Variants in HCN1 observed in about 807,000 individuals in gnomAD.
HCN1 encodes potassium/sodium hyperpolarization-activated cyclic nucleotide-gated channel 1.
In HCN1, 13 loss-of-function variants were observed where a neutral mutation model predicts 78.9. The observed-to-expected ratio is 0.16, with a 90% confidence interval of 0.11 to 0.26. The LOEUF (loss-of-function observed/expected upper bound fraction) is 0.26. HCN1 is among the 10% of genes least tolerant of loss of function. The probability of loss-of-function intolerance (pLI) is 1.00; values close to 1 mark genes in which losing one functional copy is unlikely to be tolerated. For synonymous variants in HCN1, 552 were observed against 455.5 expected, an observed-to-expected ratio of 1.21 and a Z score of -2.70; for missense variants, 810 against 1,154.3, an observed-to-expected ratio of 0.70 and a Z score of 4.32.
intron 3 of HCN1, among the ~76,000 whole-genome samples, chr5:45,420,296 C>A (rs1448294211): frequency 6.6e-6 from 1 of 152,076 alleles, no homozygotes; most frequent in East Asian, 1.9e-4. Flanking sequence ...TGCTACAGAA[C>A]CCCCCAAAAT....
chr5:45,587,918 G>A (rs1202255910), intron 2 of HCN1, among the ~76,000 whole-genome samples: 9 of 151,982 alleles, frequency 5.9e-5, no homozygotes, highest in Admixed American at 2.6e-4. Flanking sequence ...GTCACAGAGA[G>A]CTCTCTTTCT....
intron 2 of HCN1, among the ~76,000 whole-genome samples, chr5:45,472,061 G>A (rs1341364580): frequency 6.6e-6 from 1 of 151,914 alleles, no homozygotes; most frequent in Non-Finnish European, 1.5e-5. Flanking sequence ...AAGGTCCTTT[G>A]TGATGTGGTC....
chr5:45,571,029 A>G (rs1038029286), intron 2 of HCN1, among the ~76,000 whole-genome samples: 14 of 152,192 alleles, frequency 9.2e-5, no homozygotes, highest in African/African-American at 3.4e-4. Context: ...AAAAAATTGT[A>G]CAAGGGACAA....
At chr5:45,575,333 A>G in intron 2 of HCN1, 1 of 152,102 alleles carries the variant, frequency 6.6e-6, no homozygotes. Flanking sequence ...TCGCAAGGAC[A>G]AAAAACCAAA....
At chr5:45,374,820 A>T (rs974920525) in intron 4 of HCN1, among the ~76,000 whole-genome samples, 2 of 147,718 alleles carry the variant, frequency 1.4e-5, no homozygotes, top group Admixed American at 1.4e-4. Context: ...ATATATATGT[A>T]GATAGATAGA....
At chr5:45,420,019 A>G (rs1359586013) in intron 3 of HCN1, among the ~76,000 whole-genome samples, 3 of 152,208 alleles carry the variant, frequency 2.0e-5, no homozygotes, top group Non-Finnish European at 4.4e-5. Flanking sequence ...GAAAACTCAC[A>G]TGAGAGTCAA....
At chr5:45,439,800 G>A (rs1561155729) in intron 3 of HCN1, among the ~76,000 whole-genome samples, 1 of 151,908 alleles carries the variant, frequency 6.6e-6, no homozygotes, top group African/African-American at 2.4e-5. Context: ...CTAGTTCACA[G>A]ACGAAGACAA....
At chr5:45,450,805 A>C (rs1740900620) in intron 3 of HCN1, among the ~76,000 whole-genome samples, 1 of 152,166 alleles carries the variant, frequency 6.6e-6, no homozygotes, top group Non-Finnish European at 1.5e-5. Flanking sequence ...ATCTCAAACA[A>C]CACATGGTTA....
In HCN1 at chr5:45,301,492, G is replaced by A. The variant is rs374095570; in HGVS notation, c.1618+2107C>T. Among the ~76,000 whole-genome samples the A allele has an allele frequency of 2.0e-5, 3 of 151,842 alleles. No individual in the cohort carries two copies. In the East Asian group the frequency reaches 5.8e-4, roughly 30 times the overall value. ...CCAGAAATTTGGGAAGTCAAGGGAG[G>A]AGGATTGTTTGAGCCCAGGAGTTAG... is the stretch of plus-strand genomic sequence containing the variant. On this transcript the variant is annotated intron_variant, in intron 6 of 7. Coordinates refer to ENST00000303230, the MANE Select transcript of HCN1 (RefSeq NM_021072.4).
chr5:45,454,853 T>A (rs1740992101), intron 3 of HCN1, among the ~76,000 whole-genome samples: 1 of 152,096 alleles, frequency 6.6e-6, no homozygotes, highest in Admixed American at 6.6e-5. Flanking sequence ...TATGAATAAT[T>A]CTCATTGCTT....
At chr5:45,407,209 T>A (rs773943616) in intron 3 of HCN1, among the ~76,000 whole-genome samples, 11 of 152,102 alleles carry the variant, frequency 7.2e-5, no homozygotes, top group Non-Finnish European at 1.6e-4. Flanking sequence ...AAGATGATAA[T>A]GGAGCAGAAA....
At chr5:45,638,267 T>C (rs1363040584) in intron 2 of HCN1, among the ~76,000 whole-genome samples, 1 of 152,192 alleles carries the variant, frequency 6.6e-6, no homozygotes, top group Non-Finnish European at 1.5e-5. Flanking sequence ...CACTGAGTCA[T>C]GTGGACATTG....
Position 45,595,103 on chromosome 5 carries a change from CA to C in HCN1, c.849+50081del, listed in dbSNP as rs981905718. ...AGCAAAAAGGCAGGATATTTTTTTC[CA>C]AGTAATAGAGAACAATAGAAATTGA... On this transcript the variant is annotated intron_variant, in intron 2 of 7. Transcript: ENST00000303230. Among the ~76,000 whole-genome samples, 46 of 152,118 alleles carry C rather than the reference CA, an allele frequency of 3.0e-4. 1 individual carries two copies. The highest frequency in any genetic ancestry group is 8.7e-4 in the African/African-American group (36 of 41,488).
chr5:45,453,921 A>T (rs1222866340), intron 3 of HCN1, among the ~76,000 whole-genome samples: 1 of 152,094 alleles, frequency 6.6e-6, no homozygotes, highest in African/African-American at 2.4e-5. Flanking sequence ...CTTCAACTTT[A>T]TCAGGTGCCA....
intron 4 of HCN1, among the ~76,000 whole-genome samples, chr5:45,386,480 A>G (rs926654451): frequency 1.3e-5 from 2 of 152,074 alleles, no homozygotes; most frequent in African/African-American, 4.8e-5. Context: ...CTCCCAGCCA[A>G]CCTTTTCTCT....
At chr5:45,395,909 A>G (rs1471176352) in intron 4 of HCN1, among the ~76,000 whole-genome samples, 1 of 152,160 alleles carries the variant, frequency 6.6e-6, no homozygotes, top group Non-Finnish European at 1.5e-5. Flanking sequence ...TCTTGTGAGA[A>G]AAGTTTAGAG....
At chr5:45,601,935 G>C (rs1016163527) in intron 2 of HCN1, among the ~76,000 whole-genome samples, 3 of 152,062 alleles carry the variant, frequency 2.0e-5, no homozygotes, top group South Asian at 2.1e-4. Flanking sequence ...TTGTGGGAGA[G>C]ACCAGGTGGA....
chr5:45,469,700 T>C (rs1056864209), intron 2 of HCN1, among the ~76,000 whole-genome samples: 3 of 152,014 alleles, frequency 2.0e-5, no homozygotes, highest in African/African-American at 7.2e-5. Context: ...AAAATACCAA[T>C]TTTTAAATTA....
intron 2 of HCN1, among the ~76,000 whole-genome samples, chr5:45,538,490 T>C (rs1162625368): frequency 6.6e-6 from 1 of 152,172 alleles, no homozygotes; most frequent in African/African-American, 2.4e-5. Context: ...GGAAATGCAA[T>C]TTCGTGAATC....
Sources: allele counts gnomAD v4.1 joint callset (sites outside exome capture counted in the v4.1 genomes callset), GRCh38; gene constraint gnomAD v4.1.1; transcripts MANE v1.5; gene names NCBI Gene and HGNC (gene_info 2026-07-23, HGNC 2026-07-21).